EYS: variants seen among roughly 807,000 people sequenced by gnomAD.
EYS encodes the protein EGF-like photoreceptor maintenance factor, also known as protein eyes shut homolog.
Under a neutral mutation model 282.1 loss-of-function variants are expected in EYS, and 250 were observed. The ratio of observed to expected loss-of-function variants is 0.89; its 90% CI spans 0.80 to 0.98. The LOEUF (loss-of-function observed/expected upper bound fraction) is 0.98, where lower values mean the gene tolerates loss of function less well. EYS is among the 50% of genes least tolerant of loss of function. The probability of loss-of-function intolerance (pLI) is 0.00; values close to 1 mark genes in which losing one functional copy is unlikely to be tolerated. For synonymous variants in EYS, 1,355 were observed against 1,282.9 expected, an observed-to-expected ratio of 1.06 and a Z score of -1.20; for missense variants, 4,016 against 3,709.0, an observed-to-expected ratio of 1.08 and a Z score of -2.15.
At chr6:64,803,349 T>G (rs919615173) in intron 22 of EYS, among the ~76,000 whole-genome samples, 1 of 148,468 alleles carries the variant, frequency 6.7e-6, no homozygotes, top group Admixed American at 6.7e-5. Context: ...TCTCTGAGTC[T>G]GGCTGAGTAG....
At chr6:65,447,323 T>C (rs1366503677) in intron 5 of EYS, among the ~76,000 whole-genome samples, 2 of 84,158 alleles carry the variant, frequency 2.4e-5, no homozygotes, top group Non-Finnish European at 5.4e-5. Flanking sequence ...TGTGTATATA[T>C]ATGTGTGTGT....
rs1170294686 is a variant in EYS at position 65,211,308 on chromosome 6, T to A, written c.2023+84555A>T. ...TTTCATATTCTAACAGGAAGTCACT[T>A]GGTAAAAGAATCTGAAAAATGTAGT... is the stretch of plus-strand genomic sequence containing the variant. On this transcript the variant is annotated intron_variant, in intron 12 of 42. Transcript: ENST00000503581. Among the ~76,000 whole-genome samples the A allele has an allele frequency of 3.9e-5, 6 of 152,134 alleles. No homozygotes were observed. In the East Asian group the frequency reaches 1.2e-3, roughly 29 times the overall value.
intron 12 of EYS, among the ~76,000 whole-genome samples, chr6:65,202,335 A>G (rs1407682544): frequency 6.6e-6 from 1 of 152,192 alleles, no homozygotes; most frequent in Non-Finnish European, 1.5e-5. Context: ...GTACAAAATA[A>G]CTTGGAAAAT....
At chr6:64,813,768 G>A (rs1764669036) in intron 21 of EYS, among the ~76,000 whole-genome samples, 191 bp from the exon 22 acceptor site, 1 of 151,852 alleles carries the variant, frequency 6.6e-6, no homozygotes, top group Non-Finnish European at 1.5e-5. Flanking sequence ...CAGAAAGACT[G>A]TCAAATATTT....
chr6:63,850,535 A>G (rs1050337576), intron 36 of EYS, among the ~76,000 whole-genome samples: 5 of 152,210 alleles, frequency 3.3e-5, no homozygotes, highest in Admixed American at 6.5e-5. Context: ...CAACATTCTT[A>G]AATGAATTTT....
intron 12 of EYS, among the ~76,000 whole-genome samples, chr6:65,096,515 A>G (rs931193521): frequency 1.3e-5 from 2 of 151,118 alleles, no homozygotes; most frequent in African/African-American, 2.4e-5. Context: ...GTATGATACC[A>G]CAAAAGAACC....
At chr6:64,319,865 T>C (rs1770142365) in intron 29 of EYS, among the ~76,000 whole-genome samples, 1 of 151,978 alleles carries the variant, frequency 6.6e-6, no homozygotes, top group South Asian at 2.1e-4. Context: ...TCAGTTTTCC[T>C]CATCATTGTG....
At chr6:64,787,327 T>G (rs1774054578) in intron 22 of EYS, among the ~76,000 whole-genome samples, 1 of 152,208 alleles carries the variant, frequency 6.6e-6, no homozygotes, top group Non-Finnish European at 1.5e-5. Context: ...ATTGATTGTT[T>G]GGGTGGTATA....
intron 11 of EYS, chr6:65,332,555 T>TA: frequency 1.5e-6 from 1 of 652,568 alleles, no homozygotes; most frequent in African/African-American, 1.8e-5. Flanking sequence ...ACAGAGGGTT[T>TA]ATAGTGCTAT....
At chr6:63,963,497 C>G (rs901908966) in intron 35 of EYS, among the ~76,000 whole-genome samples, 2 of 152,152 alleles carry the variant, frequency 1.3e-5, no homozygotes, top group Non-Finnish European at 2.9e-5. Context: ...TGGTATGTGG[C>G]TTCAAGAAAG....
chr6:63,840,796 T>A lies in EYS; in HGVS notation c.7228+23390A>T, dbSNP rs533897709. ...CCAGCACCATTTATTGAAGACACTGTCTTTTCCCTAGTGAATGTCCTTGCA... is the reference window on the plus strand; with the variant it reads ...CCAGCACCATTTATTGAAGACACTGACTTTTCCCTAGTGAATGTCCTTGCA... On this transcript the variant is annotated intron_variant, in intron 36 of 42. Transcript: ENST00000503581. Among the ~76,000 whole-genome samples, 24 of 152,310 alleles carry A rather than the reference T, an allele frequency of 1.6e-4. No individual in the cohort carries two copies. The South Asian group carries it at 5.0e-3, about 32-fold the overall frequency.
intron 12 of EYS, among the ~76,000 whole-genome samples, chr6:65,184,256 C>A (rs148295151): frequency 6.6e-6 from 1 of 151,926 alleles, no homozygotes; most frequent in African/African-American, 2.4e-5. Flanking sequence ...CAAGATCAAG[C>A]GGCCAGCATT....
chr6:63,910,559 G>A lies in EYS; in HGVS notation c.7056-46201C>T, dbSNP rs529256510. ...TCCTTTGGTTCAATGCTGTAATGCC[G>A]GTTTTCATGGCTTCTGTGTTGTATT... On this transcript the variant is annotated intron_variant, in intron 35 of 42. Transcript: ENST00000503581. Among the ~76,000 whole-genome samples the A allele has an allele frequency of 2.0e-4, 30 of 152,224 alleles. No individual in the cohort carries two copies. In the South Asian group the frequency reaches 2.5e-3, roughly 13 times the overall value.
At chr6:65,241,752 T>A (rs1767063014) in intron 12 of EYS, among the ~76,000 whole-genome samples, 1 of 152,000 alleles carries the variant, frequency 6.6e-6, no homozygotes. Context: ...TTCTTAAAGT[T>A]CTATATGTGA....
intron 40 of EYS, among the ~76,000 whole-genome samples, chr6:63,766,337 G>A (rs1484039919): frequency 6.6e-6 from 1 of 152,064 alleles, no homozygotes; most frequent in Non-Finnish European, 1.5e-5. Flanking sequence ...TTCCGTAAGA[G>A]CAGAGATAGG....
intron 35 of EYS, among the ~76,000 whole-genome samples, chr6:63,963,270 TA>T (rs796581928): frequency 2.1e-3 from 297 of 142,194 alleles, no homozygotes; most frequent in African/African-American, 3.9e-3. Flanking sequence ...ACTTAAAGTA[TA>T]AAAAAAAAAG....
chr6:64,263,202 C>A (rs957749804), intron 30 of EYS, among the ~76,000 whole-genome samples: 3 of 152,142 alleles, frequency 2.0e-5, no homozygotes, highest in South Asian at 2.1e-4. Context: ...AATCTCCTCA[C>A]TGTCATCTCT....
intron 35 of EYS, among the ~76,000 whole-genome samples, chr6:63,915,427 C>A (rs1764397330): frequency 6.6e-6 from 1 of 152,172 alleles, no homozygotes; most frequent in Admixed American, 6.5e-5. Flanking sequence ...CCTGGTTACC[C>A]AAAAGCTTTG....
intron 12 of EYS, among the ~76,000 whole-genome samples, chr6:65,065,866 CT>C (rs973833575): frequency 6.6e-6 from 1 of 152,158 alleles, no homozygotes; most frequent in African/African-American, 2.4e-5. Context: ...CACTTACTAC[CT>C]TATGGTTTTC....
Sources: gnomAD v4.1 joint callset for allele counts (sites outside exome capture counted in the v4.1 genomes callset) on GRCh38, gnomAD v4.1.1 for gene constraint, MANE v1.5 for transcripts, NCBI Gene and HGNC (gene_info 2026-07-23, HGNC 2026-07-21) for gene names.